RGS22: variants seen among roughly 807,000 people sequenced by gnomAD.
The protein encoded by RGS22 is regulator of G-protein signaling 22.
RGS22 carries 148 observed loss-of-function variants against 172.9 expected under a neutral mutation model. The observed-to-expected ratio is 0.86, with a 90% CI of 0.75 to 0.98. The LOEUF is 0.98. RGS22 is among the 50% of genes least tolerant of loss of function. The probability of loss-of-function intolerance (pLI) is 0.00; values close to 1 mark genes in which losing one functional copy is unlikely to be tolerated. For synonymous variants in RGS22, 458 were observed against 480.2 expected (o/e 0.95, Z 0.60); for missense variants, 1,347 against 1,440.8 (o/e 0.93, Z 1.05).
rs1295496562 is a variant in RGS22, at chr8:100,047,605, T to C, written c.1690-9A>G. ...AAGCTGAATTCTTCTTTCTAAAAGA[T>C]GGTAACATAAGCAAGATGAAAATGA... On this transcript the variant is annotated splice_polypyrimidine_tract_variant and intron_variant, in intron 10 of 27. Transcript: ENST00000360863. The C allele has an allele frequency of 1.2e-6, 2 of 1,603,300 alleles. No homozygotes were observed. Among genetic ancestry groups the C allele is most frequent in the South Asian group, 1.1e-5 (1 of 88,428 alleles).
intron 10 of RGS22, among the ~76,000 whole-genome samples, chr8:100,052,541 T>A (rs1002346495): frequency 6.6e-6 from 1 of 151,990 alleles, no homozygotes; most frequent in Non-Finnish European, 1.5e-5. Flanking sequence ...GACCTCGTGA[T>A]CCGCCTGCCT....
At position 100,043,761 on chromosome 8, in the gene RGS22, A is replaced by G. The variant is rs546415286; in HGVS notation, c.1824-1845T>C. 1.1e-4 allele frequency among the ~76,000 whole-genome samples: 16 copies of G among 152,086 alleles called. No individual in the cohort carries two copies. In the South Asian group the frequency reaches 2.9e-3, roughly 28 times the overall value. On this transcript the variant is annotated intron_variant, in intron 11 of 27. Coordinates refer to ENST00000360863, the MANE Select transcript of RGS22 (RefSeq NM_015668.5). Reference sequence around the variant, plus strand: ...ACTGCACTCCAGGCCGGGCAGAGTGAGACTCTGTCTCAAAAAAAAACAAAA... The same window carrying G: ...ACTGCACTCCAGGCCGGGCAGAGTGGGACTCTGTCTCAAAAAAAAACAAAA...
At chr8:100,070,263 T>C (rs1346679072) in intron 6 of RGS22, among the ~76,000 whole-genome samples, 1 of 152,168 alleles carries the variant, frequency 6.6e-6, no homozygotes. Context: ...GCACTGTGAA[T>C]GTAAAATTTT....
chr8:100,084,714 C>G (rs1191144080), intron 3 of RGS22, among the ~76,000 whole-genome samples: 3 of 152,118 alleles, frequency 2.0e-5, no homozygotes. Context: ...ACAACTGTTT[C>G]AAAGCTTCTC....
intron 22 of RGS22, among the ~76,000 whole-genome samples, chr8:99,978,505 G>C (rs1038300913): frequency 1.3e-5 from 2 of 152,070 alleles, no homozygotes; most frequent in African/African-American, 4.8e-5. Flanking sequence ...CTTTCTTTTA[G>C]AGAAAGGAAA....
At chr8:100,076,217 T>C (rs1031144580) in intron 4 of RGS22, among the ~76,000 whole-genome samples, 2 of 152,220 alleles carry the variant, frequency 1.3e-5, no homozygotes, top group Non-Finnish European at 2.9e-5. Flanking sequence ...CGTGAAAGTT[T>C]TGCATTTTGA....
chr8:100,095,531 T>G (rs1586280523), intron 2 of RGS22, among the ~76,000 whole-genome samples: 1 of 152,288 alleles, frequency 6.6e-6, no homozygotes, highest in African/African-American at 2.4e-5. Flanking sequence ...ACAGATAACT[T>G]TGAAAGAATA....
chr8:100,037,667 C>T (rs1046804067), intron 14 of RGS22, among the ~76,000 whole-genome samples: 2 of 152,068 alleles, frequency 1.3e-5, no homozygotes, highest in African/African-American at 4.8e-5. Flanking sequence ...AATTGGGCAG[C>T]TGAAGATTTT....
intron 23 of RGS22, among the ~76,000 whole-genome samples, chr8:99,974,493 A>G (rs531746119): frequency 2.6e-5 from 4 of 152,300 alleles, no homozygotes; most frequent in Admixed American, 6.5e-5. Context: ...AAAAGATTAA[A>G]ACTGCATATA....
intron 2 of RGS22, among the ~76,000 whole-genome samples, chr8:100,104,890 A>G (rs1270637063): frequency 6.6e-6 from 1 of 152,208 alleles, no homozygotes; most frequent in Non-Finnish European, 1.5e-5. Context: ...GCACTCACCT[A>G]AATGACAATG....
In RGS22 at chr8:99,987,586, T is replaced by C. The variant is rs746755199; in HGVS notation, c.3052A>G (p.Lys1018Glu). The change falls in exon 21 of 28, where the codon AAA (lysine) becomes GAA (glutamate). Residue 1018 changes from lysine to glutamate, a missense_variant. Coordinates refer to ENST00000360863, the MANE Select transcript of RGS22 (RefSeq NM_015668.5). ...AATGCTTTGCGAAAAGCAATGATTT[T>C]ACAAGATGAAGAGATCCACTTACTC... The part of the protein sequence containing the change: ...VESKWISSSC[K>E]IIAFRKALLN... The C allele has an allele frequency of 6.2e-7, 1 of 1,609,596 alleles. No individual in the cohort carries two copies. Among genetic ancestry groups the C allele is most frequent in the Non-Finnish European group, 8.5e-7 (1 of 1,178,072 alleles).
chr8:100,083,596 G>T (rs1462029301), intron 3 of RGS22, among the ~76,000 whole-genome samples: 1 of 152,026 alleles, frequency 6.6e-6, no homozygotes, highest in Non-Finnish European at 1.5e-5. Flanking sequence ...TCAATCTCTT[G>T]ACCTCGTGAT....
chr8:100,059,119 A>G (rs1460844694), intron 9 of RGS22, among the ~76,000 whole-genome samples: 1 of 152,142 alleles, frequency 6.6e-6, no homozygotes, highest in Non-Finnish European at 1.5e-5. Flanking sequence ...CCTCATGGTA[A>G]CCTCAAACCA....
intron 20 of RGS22, among the ~76,000 whole-genome samples, chr8:99,996,139 A>G (rs1814351538): frequency 6.6e-6 from 1 of 152,100 alleles, no homozygotes; most frequent in Admixed American, 6.5e-5. Context: ...GAGGGGTAAC[A>G]TTAGGAGAAA....
At position 100,051,643 on chromosome 8, in the gene RGS22, GTTTATACATATATAAATATATATT is replaced by G. The variant is rs1563670098; in HGVS notation, c.1689+1135_1689+1158del. 4.6e-3 allele frequency among the ~76,000 whole-genome samples: 56 copies of G among 12,268 alleles called. 19 individuals carry two copies. The highest frequency in any genetic ancestry group is 0.012 in the East Asian group (4 of 326). The allele number at this position is 12,268 out of a possible 152,430, so 8.0% of individuals were successfully genotyped here. A position where few individuals can be genotyped will look rare whatever the true frequency, so the allele number is the denominator to read the frequency against. ...CATATATAAATATATATTTATATAT[GTTTATACATATATAAATATATATT>G]TATATATGTTTATACATATATATAT... On this transcript the variant is annotated intron_variant, in intron 10 of 27. Transcript: ENST00000360863.
chr8:100,071,251 G>C, intron 6 of RGS22, 118 bp downstream of exon 6: 1 of 856,392 alleles, frequency 1.2e-6, no homozygotes, highest in Non-Finnish European at 1.7e-6. Context: ...TCATATCACT[G>C]CACTCCAGCC....
At chr8:100,094,392 AT>A (rs1812808287) in intron 2 of RGS22, among the ~76,000 whole-genome samples, 1 of 152,138 alleles carries the variant, frequency 6.6e-6, no homozygotes, top group Non-Finnish European at 1.5e-5. Context: ...ATACTGGCCA[AT>A]TTTTAAAAAT....
intron 14 of RGS22, among the ~76,000 whole-genome samples, chr8:100,012,207 C>CG (rs1323017154): frequency 6.6e-6 from 1 of 151,824 alleles, no homozygotes; most frequent in Non-Finnish European, 1.5e-5. Context: ...GGAAAGCAAA[C>CG]GAGGTCAAAA....
Position 100,040,163 on chromosome 8 carries a change from C to T in RGS22, c.1939-76G>A, listed in dbSNP as rs572177757. 45 of 1,304,174 alleles carry T rather than the reference C, an allele frequency of 3.5e-5. No homozygotes were observed. The South Asian group carries it at 5.8e-4, about 17-fold the overall frequency. 80.8% of individuals were successfully genotyped at this position (1,304,174 alleles called of 1,614,324 possible). ...TTTATGGCATTACACAACAGGATTT[C>T]ATAAACTCTACCATGCTGTCATTTT... is the stretch of plus-strand genomic sequence containing the variant. On this transcript the variant is annotated intron_variant, in intron 12 of 27. Transcript: ENST00000360863.
Sources: gnomAD v4.1 joint callset for allele counts (sites outside exome capture counted in the v4.1 genomes callset) on GRCh38, gnomAD v4.1.1 for gene constraint, MANE v1.5 for transcripts, NCBI Gene and HGNC (gene_info 2026-07-23, HGNC 2026-07-21) for gene names.